The following BBX variants were observed in gnomAD, a reference collection of about 807,000 sequenced individuals.
BBX encodes BBX high mobility group box domain containing.
Under a neutral mutation model 100.2 loss-of-function variants are expected in BBX, and 30 were observed. That is an observed-to-expected ratio of 0.30 (90% CI 0.22 to 0.41). BBX has a LOEUF of 0.41. Ranked by LOEUF, BBX falls within the 10% of genes least tolerant of loss-of-function variation. The pLI is 1.00. For missense variants in BBX, 1,023 were observed against 1,129.8 expected, an observed-to-expected ratio of 0.91 and a Z score of 1.35; for synonymous variants, 376 against 388.1, an observed-to-expected ratio of 0.97 and a Z score of 0.37.
At chr3:107,683,352 C>T (rs760210902) in intron 3 of BBX, among the ~76,000 whole-genome samples, 1 of 152,064 alleles carries the variant, frequency 6.6e-6, no homozygotes, top group Non-Finnish European at 1.5e-5. Context: ...TAGATACTTC[C>T]TCATATGTTT....
intron 10 of BBX, among the ~76,000 whole-genome samples, chr3:107,763,836 C>T (rs1490084319): frequency 6.6e-6 from 1 of 152,102 alleles, no homozygotes; most frequent in East Asian, 1.9e-4. Context: ...ACACAAAACA[C>T]TGAGAAACCT....
chr3:107,779,870 A>G (rs1005704748), intron 13 of BBX, among the ~76,000 whole-genome samples: 1 of 152,032 alleles, frequency 6.6e-6, no homozygotes, highest in Non-Finnish European at 1.5e-5. Flanking sequence ...GGTTGAAGAA[A>G]ATTTCCCCTT....
intron 2 of BBX, among the ~76,000 whole-genome samples, chr3:107,549,955 A>G (rs1351791792): frequency 6.6e-6 from 1 of 151,736 alleles, no homozygotes; most frequent in Non-Finnish European, 1.5e-5. Context: ...GACAAGGGAG[A>G]AGAGCTAATA....
At chr3:107,605,454 A>C (rs1576468827) in intron 2 of BBX, among the ~76,000 whole-genome samples, 1 of 151,742 alleles carries the variant, frequency 6.6e-6, no homozygotes, top group South Asian at 2.1e-4. Context: ...TTTGTTATTC[A>C]CTCAGTGTTC....
At chr3:107,619,057 A>G (rs2055529857) in intron 2 of BBX, among the ~76,000 whole-genome samples, 1 of 152,030 alleles carries the variant, frequency 6.6e-6, no homozygotes, top group Non-Finnish European at 1.5e-5. Context: ...TACTCTATAT[A>G]TTTTGTAGCT....
At chr3:107,600,489 T>G (rs2053985450) in intron 2 of BBX, among the ~76,000 whole-genome samples, 1 of 152,224 alleles carries the variant, frequency 6.6e-6, no homozygotes. Context: ...TGTTTTAAAT[T>G]TATTTTACAA....
rs527595244 is a variant in BBX at position 107,754,501 on chromosome 3, T to C, written c.826-1097T>C. ...CTCATAACTTCCTTAAGCTAGGCCC[T>C]TTTTAATAGCCTAGGTAGGCCATTA... On this transcript the variant is annotated intron_variant, in intron 9 of 17. Coordinates refer to ENST00000325805, the MANE Select transcript of BBX (RefSeq NM_001142568.3). Among the ~76,000 whole-genome samples, 34 of 152,284 alleles carry C rather than the reference T, an allele frequency of 2.2e-4. No individual in the cohort carries two copies. The East Asian group carries it at 4.8e-3, about 22-fold the overall frequency.
At chr3:107,786,511 T>C (rs1020211858) in intron 13 of BBX, among the ~76,000 whole-genome samples, 2 of 152,166 alleles carry the variant, frequency 1.3e-5, no homozygotes, top group African/African-American at 4.8e-5. Context: ...TTTGGTCAAC[T>C]AATTTTCAAC....
chr3:107,696,278 G>A (rs1190331472), intron 3 of BBX, among the ~76,000 whole-genome samples: 3 of 151,944 alleles, frequency 2.0e-5, no homozygotes, highest in Admixed American at 6.5e-5. Flanking sequence ...GTTGATCGCA[G>A]TTTCTTCCTA....
At chr3:107,796,438 CTG>C (rs748753080) in intron 15 of BBX, among the ~76,000 whole-genome samples, 11 of 152,180 alleles carry the variant, frequency 7.2e-5, no homozygotes, top group Non-Finnish European at 1.6e-4. Context: ...AATGTTCTTT[CTG>C]GAATGTCCAT....
chr3:107,682,207 G>A (rs1238557352), intron 3 of BBX, among the ~76,000 whole-genome samples: 1 of 152,118 alleles, frequency 6.6e-6, no homozygotes, highest in Non-Finnish European at 1.5e-5. Context: ...AAGTTGTTGG[G>A]AACTTTTCTT....
chr3:107,678,844 A>G (rs1275183300), intron 3 of BBX, among the ~76,000 whole-genome samples: 1 of 152,202 alleles, frequency 6.6e-6, no homozygotes, highest in Non-Finnish European at 1.5e-5. Flanking sequence ...ACTGCAAAGC[A>G]CTATTCCAAG....
chr3:107,538,162 C>A (rs1268415726), intron 2 of BBX, among the ~76,000 whole-genome samples: 1 of 152,150 alleles, frequency 6.6e-6, no homozygotes, highest in African/African-American at 2.4e-5. Flanking sequence ...CATACTTAGA[C>A]CCAGAGAACA....
intron 11 of BBX, 29 bp from the exon 12 acceptor site, chr3:107,774,690 A>G: frequency 6.2e-7 from 1 of 1,610,280 alleles, no homozygotes; most frequent in Non-Finnish European, 8.5e-7. Context: ...CTGTATACCA[A>G]ACACATCCTT....
intron 10 of BBX, among the ~76,000 whole-genome samples, chr3:107,756,576 T>C (rs2065496146): frequency 2.6e-5 from 4 of 152,174 alleles, no homozygotes; most frequent in Non-Finnish European, 4.4e-5. Flanking sequence ...GTAATTTGTA[T>C]CATAAAACTT....
intron 5 of BBX, among the ~76,000 whole-genome samples, chr3:107,721,434 G>T (rs150060002): frequency 6.6e-6 from 1 of 151,504 alleles, no homozygotes; most frequent in African/African-American, 2.4e-5. Context: ...TCTCTCCTCC[G>T]TCAGCCCCTT....
chr3:107,633,482 T>C (rs1241758341), intron 2 of BBX, among the ~76,000 whole-genome samples: 6 of 152,218 alleles, frequency 3.9e-5, no homozygotes, highest in African/African-American at 1.4e-4. Flanking sequence ...CACTAGCATA[T>C]TTGGCGCAGA....
At chr3:107,564,275 T>G (rs2050715025) in intron 2 of BBX, among the ~76,000 whole-genome samples, 1 of 152,194 alleles carries the variant, frequency 6.6e-6, no homozygotes, top group Non-Finnish European at 1.5e-5. Flanking sequence ...ACATATATAG[T>G]CTGTATATTA....
At chr3:107,736,309 G>T (rs1313607622) in intron 7 of BBX, among the ~76,000 whole-genome samples, 1 of 152,082 alleles carries the variant, frequency 6.6e-6, no homozygotes, top group Non-Finnish European at 1.5e-5. Flanking sequence ...ATCAAATGTA[G>T]TTCTTTAATC....
Sources: allele counts gnomAD v4.1 joint callset (sites outside exome capture counted in the v4.1 genomes callset), GRCh38; gene constraint gnomAD v4.1.1; transcripts MANE v1.5; gene names NCBI Gene and HGNC (gene_info 2026-07-23, HGNC 2026-07-21).